TTBK2: variants seen among roughly 807,000 people sequenced by gnomAD.
The protein encoded by TTBK2 is tau-tubulin kinase 2.
A neutral mutation model predicts 110.8 loss-of-function variants in TTBK2; 28 were observed. The observed-to-expected ratio is 0.25, with a 90% CI of 0.19 to 0.35. The LOEUF (loss-of-function observed/expected upper bound fraction) is 0.35, where lower values mean the gene tolerates loss of function less well. TTBK2 is among the 10% of genes least tolerant of loss of function. The pLI is 1.00. For synonymous variants in TTBK2, 532 were observed against 527.3 expected (o/e 1.01, Z -0.12); for missense variants, 1,369 against 1,500.3 (o/e 0.91, Z 1.45).
intron 13 of TTBK2, among the ~76,000 whole-genome samples, chr15:42,759,359 C>T (rs1343838158): frequency 6.6e-6 from 1 of 152,216 alleles, no homozygotes; most frequent in African/African-American, 2.4e-5. Context: ...CAGATACACC[C>T]CCAGGCCAGC....
chr15:42,756,992 C>T (rs2061956063), intron 13 of TTBK2, among the ~76,000 whole-genome samples: 1 of 152,098 alleles, frequency 6.6e-6, no homozygotes, highest in Non-Finnish European at 1.5e-5. Context: ...TGTGCATAAA[C>T]TACTCTCATA....
intron 1 of TTBK2, among the ~76,000 whole-genome samples, chr15:42,911,160 A>G (rs559383677): frequency 6.6e-6 from 1 of 152,354 alleles, no homozygotes; most frequent in Admixed American, 6.5e-5. Context: ...ATTGTCATAC[A>G]AAGTTTCTTA....
intron 13 of TTBK2, among the ~76,000 whole-genome samples, chr15:42,767,894 C>A (rs534073092): frequency 1.3e-5 from 2 of 152,322 alleles, no homozygotes; most frequent in African/African-American, 4.8e-5. Flanking sequence ...TCCAGCAGCA[C>A]GTCAAAAAGC....
Position 42,751,978 on chromosome 15 carries a change from C to T in TTBK2, c.3268G>A (p.Ala1090Thr), listed in dbSNP as rs1452924134. ...GKPPTRPGVE[A>T]RLRRYKVLGS... is the part of the protein sequence containing the mutation. ...AGGGAGAGCACACAGCATTACCTGG[C>T]TTCTACTCCAGGCCTCGTGGGTGGC... The change falls in exon 14 of 15, where the codon GCC becomes ACC. Residue 1090 changes from alanine to threonine, a missense_variant. Coordinates refer to ENST00000267890, the MANE Select transcript of TTBK2 (RefSeq NM_173500.4). 6.2e-7 allele frequency: 1 copy of T among 1,614,100 alleles called. No individual in the cohort carries two copies. The highest frequency in any genetic ancestry group is 1.7e-5 in the Admixed American group (1 of 60,024).
chr15:42,761,054 A>C, intron 13 of TTBK2, among the ~76,000 whole-genome samples: 1 of 152,182 alleles, frequency 6.6e-6, no homozygotes, highest in South Asian at 2.1e-4. Flanking sequence ...ACTGAGTTTG[A>C]CAAAGGCACC....
At position 42,739,761 on chromosome 15, in the gene TTBK2, C is replaced by G. The variant is rs185461300; in HGVS notation, c.*6034G>C. ...AAAAAGTCCCAAGGGCTTTCCCCTT[C>G]CTGGGTAGCTCCCTATAAGTCAAAT... On this transcript the variant is annotated 3_prime_UTR_variant, in exon 15 of 15. Transcript: ENST00000267890. The G allele has an allele frequency of 6.6e-6, 1 of 152,334 alleles. No homozygotes were observed. The highest frequency in any genetic ancestry group is 1.9e-4 in the East Asian group (1 of 5,182). The allele number at this position is 152,334 out of a possible 1,614,324, so 9.4% of individuals were successfully genotyped here. A position where few individuals can be genotyped will look rare whatever the true frequency, so the allele number is the denominator to read the frequency against.
chr15:42,915,386 GCCCTAAAACAC>G (rs1238019385), intron 1 of TTBK2, among the ~76,000 whole-genome samples: 1 of 152,120 alleles, frequency 6.6e-6, no homozygotes, highest in Non-Finnish European at 1.5e-5. Flanking sequence ...CTTAATAATG[GCCCTAAAACAC>G]AAGAGTAGTG....
At chr15:42,886,222 C>T (rs1288216866) in intron 1 of TTBK2, among the ~76,000 whole-genome samples, 2 of 152,102 alleles carry the variant, frequency 1.3e-5, no homozygotes, top group Non-Finnish European at 2.9e-5. Flanking sequence ...AAGCCAGGTC[C>T]CAATTCTTCT....
intron 1 of TTBK2, among the ~76,000 whole-genome samples, chr15:42,879,641 CAAA>C (rs761358145): frequency 8.6e-6 from 1 of 116,120 alleles, no homozygotes. Context: ...ATCTTATTTA[CAAA>C]AAAAAAAAAA....
chr15:42,764,679 A>C (rs1595888152), intron 13 of TTBK2, among the ~76,000 whole-genome samples: 1 of 152,268 alleles, frequency 6.6e-6, no homozygotes, highest in Non-Finnish European at 1.5e-5. Flanking sequence ...CTGGGGGCAG[A>C]GCATAGCTGA....
chr15:42,920,198 C>T (rs1350009527), intron 1 of TTBK2, among the ~76,000 whole-genome samples: 1 of 152,196 alleles, frequency 6.6e-6, no homozygotes, highest in Non-Finnish European at 1.5e-5. Flanking sequence ...TCAGTGAAGA[C>T]ACCCAAAGCC....
intron 3 of TTBK2, among the ~76,000 whole-genome samples, chr15:42,855,929 A>G (rs571857580): frequency 6.6e-4 from 100 of 152,186 alleles, no homozygotes; most frequent in African/African-American, 2.2e-3. Flanking sequence ...TGATCTGCCC[A>G]CCTCAGCCTC....
At chr15:42,851,697 T>A (rs1373711207) in intron 3 of TTBK2, among the ~76,000 whole-genome samples, 1 of 152,096 alleles carries the variant, frequency 6.6e-6, no homozygotes, top group African/African-American at 2.4e-5. Context: ...TGCGTATATA[T>A]GTGTATATAT....
chr15:42,801,625 G>C (rs1402194876), intron 9 of TTBK2: 2 of 812,542 alleles, frequency 2.5e-6, no homozygotes, highest in African/African-American at 3.4e-5. Flanking sequence ...ACTGCACCTT[G>C]ACCTCAGGGA....
chr15:42,829,889 A>G, intron 5 of TTBK2, 49 bp downstream of exon 5: 2 of 1,609,858 alleles, frequency 1.2e-6, no homozygotes, highest in Admixed American at 3.3e-5. Context: ...CCATCATAAC[A>G]TTAAAAGTAT....
intron 4 of TTBK2, among the ~76,000 whole-genome samples, chr15:42,838,653 T>C (rs1172746905): frequency 1.3e-5 from 2 of 151,832 alleles, no homozygotes; most frequent in African/African-American, 4.8e-5. Flanking sequence ...CCATCTCTAC[T>C]AAAAATACAG....
chr15:42,919,696 C>T (rs1472771561), intron 1 of TTBK2: 2 of 556,004 alleles, frequency 3.6e-6, no homozygotes, highest in African/African-American at 2.1e-5. Context: ...AGAGTTAATA[C>T]CAGGATTGCT....
chr15:42,874,309 TA>T (rs763604935), intron 2 of TTBK2, among the ~76,000 whole-genome samples: 4 of 151,964 alleles, frequency 2.6e-5, no homozygotes, highest in Non-Finnish European at 5.9e-5. Context: ...TTTATTTTTT[TA>T]TTTTTTTTAT....
chr15:42,889,082 G>A (rs1341984628), intron 1 of TTBK2, among the ~76,000 whole-genome samples: 2 of 152,070 alleles, frequency 1.3e-5, no homozygotes, highest in African/African-American at 2.4e-5. Flanking sequence ...CCACCTCTTA[G>A]AACCTCTCAT....
Sources: allele counts gnomAD v4.1 joint callset (sites outside exome capture counted in the v4.1 genomes callset), GRCh38; gene constraint gnomAD v4.1.1; transcripts MANE v1.5; gene names NCBI Gene and HGNC (gene_info 2026-07-23, HGNC 2026-07-21).